The following TMEM266 variants were observed in gnomAD, a reference collection of about 807,000 sequenced individuals.
The protein encoded by TMEM266 is Hv1 related protein 1.
In TMEM266, 33 loss-of-function variants were observed where a neutral mutation model predicts 50.5. That is an observed-to-expected ratio of 0.65 (90% CI 0.50 to 0.87). The LOEUF (loss-of-function observed/expected upper bound fraction) is 0.87. Ranked by LOEUF, TMEM266 falls within the 40% of genes least tolerant of loss-of-function variation. TMEM266 has a pLI of 0.00. For synonymous variants in TMEM266, 310 were observed against 292.3 expected (o/e 1.06, Z -0.62); for missense variants, 655 against 695.1 (o/e 0.94, Z 0.65).
intron 1 of TMEM266, among the ~76,000 whole-genome samples, chr15:76,105,184 T>A (rs2037062133): frequency 6.6e-6 from 1 of 151,896 alleles, no homozygotes. Context: ...AGGCGAAGGT[T>A]GCAGTAAGCA....
chr15:76,182,587 T>C (rs1054478407), intron 8 of TMEM266, among the ~76,000 whole-genome samples: 2 of 151,828 alleles, frequency 1.3e-5, no homozygotes, highest in African/African-American at 4.8e-5. Context: ...GAGCTTAAAG[T>C]GAGCCGAGAT....
intron 4 of TMEM266, among the ~76,000 whole-genome samples, chr15:76,158,675 C>T (rs534332098): frequency 1.3e-5 from 2 of 152,308 alleles, no homozygotes. Context: ...TAAAAAAAGG[C>T]ACAGGAATTC....
At position 76,137,759 on chromosome 15, in the gene TMEM266, G is replaced by C; in HGVS notation, c.91G>C (p.Asp31His). 3.7e-6 allele frequency: 6 copies of C among 1,614,190 alleles called. No homozygotes were observed. The highest frequency in any genetic ancestry group is 4.2e-6 in the Non-Finnish European group (5 of 1,180,024). The change falls in exon 3 of 11, where the codon GAC becomes CAC. Residue 31 changes from aspartate to histidine, a missense_variant. Transcript: ENST00000388942. ...AGTTGAGATCATCTCCCAACAAGTA[G>C]ACGAAGAAACCAAGAGCATTGCTCC...
intron 8 of TMEM266, among the ~76,000 whole-genome samples, chr15:76,188,919 G>A (rs923564257): frequency 6.6e-6 from 1 of 152,222 alleles, no homozygotes; most frequent in African/African-American, 2.4e-5. Context: ...GCTCACACCT[G>A]TAATCCTAGC....
At chr15:76,074,124 CT>C (rs2036573645) in intron 1 of TMEM266, among the ~76,000 whole-genome samples, 1 of 152,058 alleles carries the variant, frequency 6.6e-6, no homozygotes, top group Non-Finnish European at 1.5e-5. Flanking sequence ...ATTGGAAATG[CT>C]TTTTTGCATT....
intron 1 of TMEM266, among the ~76,000 whole-genome samples, chr15:76,127,047 T>C (rs888148626): frequency 2.6e-5 from 4 of 152,256 alleles, no homozygotes; most frequent in Non-Finnish European, 4.4e-5. Flanking sequence ...TAGTGACTAA[T>C]AATGGTCAAT....
chr15:76,092,024 A>G (rs1013827815), intron 1 of TMEM266, among the ~76,000 whole-genome samples: 9 of 151,934 alleles, frequency 5.9e-5, no homozygotes, highest in South Asian at 2.1e-4. Context: ...AGAAAAACCT[A>G]TGGCAAAAGT....
chr15:76,110,346 C>T (rs1031809168), intron 1 of TMEM266, among the ~76,000 whole-genome samples: 3 of 152,184 alleles, frequency 2.0e-5, no homozygotes, highest in Non-Finnish European at 2.9e-5. Flanking sequence ...AACCCATGGC[C>T]CATGGGCCAC....
intron 8 of TMEM266, chr15:76,181,331 G>A (rs1304401942): frequency 6.6e-6 from 1 of 152,164 alleles, no homozygotes; most frequent in Non-Finnish European, 1.5e-5. Context: ...ATCTCTTCTG[G>A]TTGTGGACAC....
At chr15:76,102,442 A>G (rs749304974) in intron 1 of TMEM266, among the ~76,000 whole-genome samples, 1 of 152,170 alleles carries the variant, frequency 6.6e-6, no homozygotes, top group Non-Finnish European at 1.5e-5. Context: ...CATTTGTGCA[A>G]AGACCTGAAG....
At chr15:76,162,813 C>T (rs1324438250) in intron 5 of TMEM266, among the ~76,000 whole-genome samples, 1 of 152,214 alleles carries the variant, frequency 6.6e-6, no homozygotes, top group Non-Finnish European at 1.5e-5. Context: ...CTGGCACCCC[C>T]TCCTCAGCTG....
At chr15:76,203,553 C>T (rs775316450) in intron 10 of TMEM266, among the ~76,000 whole-genome samples, 188 bp from the exon 11 acceptor site, 2 of 152,178 alleles carry the variant, frequency 1.3e-5, no homozygotes, top group Non-Finnish European at 2.9e-5. Flanking sequence ...GGCATAATAC[C>T]CCTCAAAGCA....
intron 5 of TMEM266, among the ~76,000 whole-genome samples, chr15:76,163,722 T>TGTGGGGTGTTGGTCGCATCCC (rs1198415645): frequency 1.3e-5 from 2 of 151,960 alleles, no homozygotes; most frequent in African/African-American, 2.4e-5. Context: ...CAGTGCAGGC[T>TGTGGGGTGTTGGTCGCATCCC]GTGGGGTGTT....
At chr15:76,125,159 A>G (rs1006106789) in intron 1 of TMEM266, among the ~76,000 whole-genome samples, 3 of 152,224 alleles carry the variant, frequency 2.0e-5, no homozygotes, top group Non-Finnish European at 4.4e-5. Flanking sequence ...CTGAACGCTT[A>G]TCTTGCACCA....
chr15:76,110,382 C>A (rs138663824), intron 1 of TMEM266, among the ~76,000 whole-genome samples: 1 of 152,190 alleles, frequency 6.6e-6, no homozygotes, highest in Admixed American at 6.5e-5. Flanking sequence ...GCTTTGAATG[C>A]GGCACAACAC....
At chr15:76,183,412 G>A (rs922910143) in intron 8 of TMEM266, among the ~76,000 whole-genome samples, 3 of 152,142 alleles carry the variant, frequency 2.0e-5, no homozygotes, top group South Asian at 2.1e-4. Flanking sequence ...CACCAAGCCC[G>A]GCCGATCCTT....
intron 1 of TMEM266, among the ~76,000 whole-genome samples, chr15:76,094,255 T>G (rs966605894): frequency 3.3e-5 from 5 of 152,152 alleles, no homozygotes; most frequent in African/African-American, 1.2e-4. Flanking sequence ...CTAGGTCTTA[T>G]GTTTAAGTCT....
At chr15:76,076,828 C>T (rs768047771) in intron 1 of TMEM266, among the ~76,000 whole-genome samples, 2 of 152,064 alleles carry the variant, frequency 1.3e-5, no homozygotes, top group South Asian at 2.1e-4. Context: ...ATTGTGATTA[C>T]AATTTATAAT....
chr15:76,199,266 CAGG>C (rs1272353570), intron 9 of TMEM266, among the ~76,000 whole-genome samples: 2 of 152,218 alleles, frequency 1.3e-5, no homozygotes, highest in African/African-American at 4.8e-5. Flanking sequence ...GGAGGCCAGC[CAGG>C]AGTTGTCCGG....
Sources: allele counts gnomAD v4.1 joint callset (sites outside exome capture counted in the v4.1 genomes callset), GRCh38; gene constraint gnomAD v4.1.1; transcripts MANE v1.5; gene names NCBI Gene and HGNC (gene_info 2026-07-23, HGNC 2026-07-21).